The following SLCO1B1 variants were observed in gnomAD, a reference collection of about 807,000 sequenced individuals.
The protein encoded by SLCO1B1 is OATP-2.
A neutral mutation model predicts 70.1 loss-of-function variants in SLCO1B1; 81 were observed. The observed-to-expected ratio is 1.16, with a 90% CI of 0.97 to 1.39. SLCO1B1 has a LOEUF of 1.39. Among genes scored for constraint, SLCO1B1 ranks in the 40% most tolerant of loss-of-function variants. The pLI is 0.00. For missense variants in SLCO1B1, 895 were observed against 799.6 expected, an observed-to-expected ratio of 1.12 and a Z score of -1.44; for synonymous variants, 283 against 271.5, an observed-to-expected ratio of 1.04 and a Z score of -0.42.
chr12:21,174,461 T>C (rs1488459884), intron 3 of SLCO1B1, 116 bp from the exon 4 acceptor site: 3 of 955,892 alleles, frequency 3.1e-6, no homozygotes, highest in Admixed American at 4.2e-5. Flanking sequence ...TTAAATCACA[T>C]TGTCTTTGAG....
intron 4 of SLCO1B1, among the ~76,000 whole-genome samples, chr12:21,175,858 C>T (rs1940813275): frequency 6.6e-6 from 1 of 152,008 alleles, no homozygotes; most frequent in Non-Finnish European, 1.5e-5. Flanking sequence ...AGTATCACAG[C>T]TTCATCTTCC....
At chr12:21,183,210 A>G (rs80349167) in intron 7 of SLCO1B1, among the ~76,000 whole-genome samples, 18,617 of 150,820 alleles carry the variant, frequency 0.12, 1,522 homozygotes, top group Non-Finnish European at 0.18. Context: ...CTGCCTATAT[A>G]TTTGAGACTG....
rs141779296 is a variant in SLCO1B1 at position 21,202,677 on chromosome 12, C to A, written c.1322C>A (p.Thr441Asn). The change falls in exon 10 of 15, where the codon ACC becomes AAC. Residue 441 changes from threonine to asparagine, a missense_variant. By Grantham distance (65) the Thr-to-Asn change is moderately conservative. Transcript: ENST00000256958. ...AAATCAGTTGCCGGACTAACCATGA[C>A]CTATGATGGGTTTGTATATATCACT... Reference protein sequence around the residue: ...ENKSVAGLTMTYDGNNPVTSH... With the variant: ...ENKSVAGLTMNYDGNNPVTSH... 1.5e-4 allele frequency: 238 copies of A among 1,610,518 alleles called. 1 individual carries two copies. The highest frequency in any genetic ancestry group is 1.7e-4 in the Middle Eastern group (1 of 5,984).
intron 7 of SLCO1B1, among the ~76,000 whole-genome samples, chr12:21,195,948 TCA>T (rs1385365662): frequency 1.4e-4 from 22 of 152,270 alleles, no homozygotes; most frequent in Admixed American, 1.4e-3. Context: ...TTTCTTACAT[TCA>T]GTCTATGTTG....
chr12:21,223,178 A>G (rs1214976562), intron 13 of SLCO1B1, among the ~76,000 whole-genome samples: 4 of 152,268 alleles, frequency 2.6e-5, no homozygotes, highest in East Asian at 1.9e-4. Context: ...TTTTTTAGCA[A>G]TAGAAAATAG....
At chr12:21,184,050 GA>G (rs71043253) in intron 7 of SLCO1B1, among the ~76,000 whole-genome samples, 8 of 149,426 alleles carry the variant, frequency 5.4e-5, no homozygotes, top group African/African-American at 7.4e-5. Context: ...AAGAAAGAAA[GA>G]AAAAAAAACA....
chr12:21,161,864 C>T (rs1017834002), intron 2 of SLCO1B1, among the ~76,000 whole-genome samples: 9 of 151,832 alleles, frequency 5.9e-5, no homozygotes, highest in African/African-American at 2.2e-4. Flanking sequence ...AAAAATTAGC[C>T]AGGTGTGATG....
chr12:21,156,828 CA>C, intron 2 of SLCO1B1, among the ~76,000 whole-genome samples: 1 of 152,116 alleles, frequency 6.6e-6, no homozygotes, highest in Non-Finnish European at 1.5e-5. Flanking sequence ...GAGGTAAGAA[CA>C]AGCAACTTGG....
intron 14 of SLCO1B1, among the ~76,000 whole-genome samples, chr12:21,237,520 T>C (rs1011795093): frequency 6.6e-6 from 1 of 152,148 alleles, no homozygotes; most frequent in Non-Finnish European, 1.5e-5. Context: ...GTTTTCTTTA[T>C]CTTTGACTTT....
At chr12:21,214,763 T>A (rs1040387756) in intron 11 of SLCO1B1, among the ~76,000 whole-genome samples, 2 of 152,174 alleles carry the variant, frequency 1.3e-5, no homozygotes, top group Admixed American at 1.3e-4. Context: ...TGTAATCTCG[T>A]GGTGCGCCGT....
chr12:21,177,792 A>T (rs1940840456), intron 5 of SLCO1B1, among the ~76,000 whole-genome samples: 1 of 152,136 alleles, frequency 6.6e-6, no homozygotes, highest in Non-Finnish European at 1.5e-5. Context: ...TAAGATACTG[A>T]ATAAACACAT....
chr12:21,137,601 A>G (rs1290547137), intron 1 of SLCO1B1, among the ~76,000 whole-genome samples: 5 of 152,154 alleles, frequency 3.3e-5, no homozygotes, highest in Non-Finnish European at 5.9e-5. Context: ...TGTGCTTGCA[A>G]TGAGCGAGAC....
At chr12:21,209,910 G>GT (rs1305211983) in intron 11 of SLCO1B1, among the ~76,000 whole-genome samples, 2 of 151,944 alleles carry the variant, frequency 1.3e-5, no homozygotes, top group East Asian at 3.9e-4. Context: ...GGGGTTTTTT[G>GT]TTTTTTTCTT....
intron 10 of SLCO1B1, among the ~76,000 whole-genome samples, chr12:21,205,011 T>C (rs1229687382): frequency 6.6e-6 from 1 of 151,814 alleles, no homozygotes; most frequent in African/African-American, 2.4e-5. Context: ...CCACTCCAAG[T>C]AGTATTTCCT....
At chr12:21,138,035 T>C (rs2121032149) in intron 1 of SLCO1B1, among the ~76,000 whole-genome samples, 1 of 152,358 alleles carries the variant, frequency 6.6e-6, no homozygotes, top group Non-Finnish European at 1.5e-5. Flanking sequence ...ATTAGTTCCC[T>C]TCTCCAATTC....
chr12:21,143,385 A>T, intron 2 of SLCO1B1, among the ~76,000 whole-genome samples: 1 of 152,064 alleles, frequency 6.6e-6, no homozygotes, highest in East Asian at 1.9e-4. Context: ...ATCTCTGTAG[A>T]TAGAAAGATA....
intron 1 of SLCO1B1, among the ~76,000 whole-genome samples, chr12:21,134,288 A>G (rs1350656758): frequency 1.3e-5 from 2 of 152,130 alleles, no homozygotes; most frequent in African/African-American, 2.4e-5. Flanking sequence ...ATTGGTCTAA[A>G]ATTCTCTTTT....
chr12:21,211,229 C>T (rs1462185002), intron 11 of SLCO1B1, among the ~76,000 whole-genome samples: 7 of 152,018 alleles, frequency 4.6e-5, no homozygotes, highest in South Asian at 2.1e-4. Context: ...TTTTGAAATA[C>T]GTCCCATCAA....
At chr12:21,188,720 A>T (rs1388977461) in intron 7 of SLCO1B1, among the ~76,000 whole-genome samples, 1 of 152,082 alleles carries the variant, frequency 6.6e-6, no homozygotes, top group East Asian at 1.9e-4. Flanking sequence ...TCCTGTAGAG[A>T]CTGCAGAACT....
Sources: allele counts gnomAD v4.1 joint callset (sites outside exome capture counted in the v4.1 genomes callset), GRCh38; gene constraint gnomAD v4.1.1; transcripts MANE v1.5; gene names NCBI Gene and HGNC (gene_info 2026-07-23, HGNC 2026-07-21).